KCP: variants seen among roughly 807,000 people sequenced by gnomAD.
KCP encodes kielin/chordin-like protein.
A neutral mutation model predicts 212.7 loss-of-function variants in KCP; 194 were observed. That is an observed-to-expected ratio of 0.91 (90% CI 0.81 to 1.03). The LOEUF is 1.03. Among genes scored for constraint, KCP ranks in the 50% least tolerant of loss-of-function variants. The pLI is 0.00. For missense variants in KCP, 2,080 were observed against 2,162.5 expected (o/e 0.96, Z 0.76); for synonymous variants, 833 against 865.3 (o/e 0.96, Z 0.65).
In KCP at chr7:128,907,106, A is replaced by C. The variant is rs758136209; in HGVS notation, c.481T>G (p.Cys161Gly). ...GGTAGGTCCTGGGAGCTTACCAGAC[A>C]GCGGCAGGTGGTGCAGGCATCTGGG... ...FSPDACTTCR[C>G]LEGTITCNQK... is the part of the protein sequence containing the mutation. Residue 161 changes from cysteine (C) to glycine (G), a missense_variant, in exon 4 of 40, where the codon TGT (cysteine) becomes GGT (glycine). Physicochemically the swap from Cys to Gly is radical, Grantham distance 159. Coordinates refer to ENST00000610776, the MANE Select transcript of KCP (RefSeq NM_001366122.1). 119 of 1,551,152 alleles carry C rather than the reference A, an allele frequency of 7.7e-5. 1 individual carries two copies. The South Asian group carries it at 1.3e-3, about 17-fold the overall frequency.
At position 128,908,247 on chromosome 7, in the gene KCP, GAAAGAAGAAAGAAAGAAAGA is replaced by G. The variant is rs1563056870; in HGVS notation, c.219+159_219+178del. Among the ~76,000 whole-genome samples, 6 of 87,262 alleles carry G rather than the reference GAAAGAAGAAAGAAAGAAAGA, an allele frequency of 6.9e-5. No individual in the cohort carries two copies. The East Asian group carries it at 3.8e-3, about 55-fold the overall frequency. 57.2% of individuals were successfully genotyped at this position (87,262 alleles called of 152,430 possible). A position where few individuals can be genotyped will look rare whatever the true frequency, so the allele number is the denominator to read the frequency against. On this transcript the variant is annotated intron_variant, in intron 2 of 39. Coordinates refer to ENST00000610776, the MANE Select transcript of KCP (RefSeq NM_001366122.1). ...GGGAAGGAAAGAAGAAAGGAAGAAA[GAAAGAAGAAAGAAAGAAAGA>G]AAGAAAGAAAGAAAGAAAGAAAGAA...
intron 8 of KCP, among the ~76,000 whole-genome samples, chr7:128,902,322 C>A (rs73461528): frequency 0.051 from 7,839 of 152,294 alleles, 703 homozygotes; most frequent in African/African-American, 0.18. Flanking sequence ...ATTTTACATT[C>A]CCCTATTTCA....
At chr7:128,888,101 TACAC>T (rs1219122211) in intron 22 of KCP, among the ~76,000 whole-genome samples, 7 of 85,124 alleles carry the variant, frequency 8.2e-5, no homozygotes, top group East Asian at 4.1e-4. Flanking sequence ...CATACCCACA[TACAC>T]ACAGCTACAG....
intron 22 of KCP, among the ~76,000 whole-genome samples, chr7:128,887,590 TAC>T (rs202070608): frequency 2.4e-5 from 3 of 123,446 alleles, no homozygotes; most frequent in South Asian, 6.0e-4. Context: ...CCTCCACACA[TAC>T]ACACACAGCC....
intron 7 of KCP, chr7:128,903,455 A>G (rs1794962577): frequency 1.9e-6 from 1 of 526,912 alleles, no homozygotes; most frequent in South Asian, 2.3e-5. Flanking sequence ...GGCTGACCCC[A>G]TGTCTCATGA....
chr7:128,877,345 C>A, intron 39 of KCP, 34 bp from the exon 40 acceptor site: 1 of 1,526,216 alleles, frequency 6.6e-7, no homozygotes. Context: ...GTTACCAAGG[C>A]ACCTGAAACT....
chr7:128,906,803 G>GT (rs1294316068), intron 4 of KCP, among the ~76,000 whole-genome samples: 11 of 151,404 alleles, frequency 7.3e-5, no homozygotes, highest in African/African-American at 2.7e-4. Flanking sequence ...AAGTAATTGC[G>GT]GTTTTTGCCA....
chr7:128,893,796 C>G lies in KCP; in HGVS notation c.1099+10G>C, dbSNP rs757242893. ...CTGCCCCTCCCGCAGAGACCCCGGCCCCCACTCACCATCGCAGACAGGGCA... is the reference window on the plus strand; with the variant it reads ...CTGCCCCTCCCGCAGAGACCCCGGCGCCCACTCACCATCGCAGACAGGGCA... On this transcript the variant is annotated intron_variant, in intron 11 of 39. Coordinates refer to ENST00000610776, the MANE Select transcript of KCP (RefSeq NM_001366122.1). The G allele has an allele frequency of 1.3e-6, 2 of 1,549,290 alleles. No homozygotes were observed. The highest frequency in any genetic ancestry group is 1.7e-6 in the Non-Finnish European group (2 of 1,146,466).
intron 21 of KCP, 105 bp from the exon 22 acceptor site, chr7:128,889,144 A>T: frequency 1.5e-6 from 1 of 651,330 alleles, no homozygotes; most frequent in Non-Finnish European, 2.1e-6. Context: ...AAGATCTCAA[A>T]GATCTAGCGT....
intron 2 of KCP, among the ~76,000 whole-genome samples, chr7:128,908,174 TGGAA>T (rs1159252539): frequency 3.1e-4 from 19 of 60,330 alleles, no homozygotes; most frequent in Admixed American, 7.4e-4. Context: ...AGAAGAAGGA[TGGAA>T]GGAAGGAAGG....
chr7:128,903,194 T>C (rs2128949984), intron 7 of KCP: 2 of 354,872 alleles, frequency 5.6e-6, no homozygotes, highest in East Asian at 5.6e-5. Context: ...CTGTGCTTGA[T>C]TTCTCCCCTC....
At chr7:128,888,767 G>A (rs965575439) in intron 22 of KCP, 96 bp downstream of exon 22, 29 of 1,166,504 alleles carry the variant, frequency 2.5e-5, no homozygotes, top group South Asian at 8.6e-5. Flanking sequence ...ATGGTGGAGC[G>A]GCAGGCAGTG....
chr7:128,884,085 C>A lies in KCP; in HGVS notation c.3161G>T (p.Arg1054Leu), dbSNP rs1214036370. 1.9e-6 allele frequency: 3 copies of A among 1,544,590 alleles called. No individual in the cohort carries two copies. Among genetic ancestry groups the A allele is most frequent in the East Asian group, 4.9e-5 (2 of 40,594 alleles). ...GCCCACCAGGCTGGGACACTGCCGC[C>A]GGTGACAGCGAAGGCTGGGAGGCCC... ...PEGPPSLRCH[R>L]RQCPSLVGCP... Residue 1054 changes from arginine (R) to leucine (L), a missense_variant, in exon 29 of 40, where the codon CGG (arginine) becomes CTG (leucine). By Grantham distance (102) the Arg-to-Leu change is moderately radical. Coordinates refer to ENST00000610776, the MANE Select transcript of KCP (RefSeq NM_001366122.1).
rs1014299616 is a variant in KCP, at chr7:128,908,593, G to A, written c.77-25C>T. 9 of 1,542,786 alleles carry A rather than the reference G, an allele frequency of 5.8e-6. No individual in the cohort carries two copies. In the African/African-American group the frequency reaches 6.9e-5, roughly 12 times the overall value. Reference sequence around the variant, plus strand: ...CCTGAAGGGCACAAGAATCCCATGTGGGCCTGAGGGTGAGGGGCTGGCCTG... The same window carrying A: ...CCTGAAGGGCACAAGAATCCCATGTAGGCCTGAGGGTGAGGGGCTGGCCTG... On this transcript the variant is annotated intron_variant, in intron 1 of 39. Coordinates refer to ENST00000610776, the MANE Select transcript of KCP (RefSeq NM_001366122.1).
intron 2 of KCP, 69 bp downstream of exon 2, chr7:128,908,357 C>A: frequency 6.9e-7 from 1 of 1,457,734 alleles, no homozygotes; most frequent in Non-Finnish European, 9.2e-7. Flanking sequence ...CCAAGCCTAA[C>A]TCCTTCTCTC....
intron 11 of KCP, 53 bp downstream of exon 11, chr7:128,893,753 C>T (rs1373100459): frequency 1.3e-6 from 2 of 1,519,728 alleles, no homozygotes; most frequent in Non-Finnish European, 1.8e-6. Context: ...ACACCTACAG[C>T]CTCTCTGCAG....
In KCP at chr7:128,884,049, C is replaced by CT; in HGVS notation, c.3196dup (p.Ser1066LysfsTer21). The CT allele has an allele frequency of 6.5e-7, 1 of 1,546,518 alleles. No homozygotes were observed. The highest frequency in any genetic ancestry group is 8.7e-7 in the Non-Finnish European group (1 of 1,145,646). On this transcript the variant is annotated frameshift_variant, in exon 29 of 40. Coordinates refer to ENST00000610776, the MANE Select transcript of KCP (RefSeq NM_001366122.1). LOFTEE classifies it high-confidence loss of function. ...CTGGGGCCCAGGGGGCAGGAGCTGG[C>CT]TGGGGGGGCAGCCCACCAGGCTGGG...
In KCP at chr7:128,892,733, C is replaced by A; in HGVS notation, c.1482G>T (p.Gln494His). Reference protein sequence around the residue: ...TYHSQVYANGQNFTDADSPCH... With the variant: ...TYHSQVYANGHNFTDADSPCH... The stretch of plus-strand genomic sequence containing the variant: ...AAGGGCTGTCTGCATCCGTGAAGTT[C>A]TGCCCATTGGCATACACTTGGCTGT... The change falls in exon 15 of 40, where the codon CAG becomes CAT. Residue 494 changes from glutamine (Q) to histidine (H), a missense_variant. By Grantham distance (24) the Gln-to-His change is conservative (BLOSUM62 0). Transcript: ENST00000610776. 1.3e-6 allele frequency: 2 copies of A among 1,551,724 alleles called. No individual in the cohort carries two copies. Among genetic ancestry groups the A allele is most frequent in the South Asian group, 1.2e-5 (1 of 84,060 alleles).
In KCP at chr7:128,884,824, C is replaced by G; in HGVS notation, c.3080G>C (p.Ser1027Thr). Residue 1027 changes from serine to threonine, a missense_variant, in exon 28 of 40, where the codon AGC becomes ACC. Ser to Thr is a moderately conservative substitution (Grantham distance 58). Coordinates refer to ENST00000610776, the MANE Select transcript of KCP (RefSeq NM_001366122.1). ...ACAGGGGTCTGCCCCAGGCTGGAAG[C>G]TCTCCCCAGGCTCGTACTTCCGGCC... ...HEGRKYEPGESFQPGADPCEV... is the reference protein window; with the variant it reads ...HEGRKYEPGETFQPGADPCEV... 1 of 1,551,016 alleles carries G rather than the reference C, an allele frequency of 6.4e-7. No individual in the cohort carries two copies. Among genetic ancestry groups the G allele is most frequent in the Non-Finnish European group, 8.7e-7 (1 of 1,146,966 alleles).
Sources: allele counts gnomAD v4.1 joint callset (sites outside exome capture counted in the v4.1 genomes callset), GRCh38; gene constraint gnomAD v4.1.1; transcripts MANE v1.5; gene names NCBI Gene and HGNC (gene_info 2026-07-23, HGNC 2026-07-21).